The following FBXL13 variants were observed in gnomAD, a reference collection of about 807,000 sequenced individuals.
FBXL13 encodes F-box and leucine rich repeat protein 13.
In FBXL13, 67 loss-of-function variants were observed where a neutral mutation model predicts 83.6. The ratio of observed to expected loss-of-function variants is 0.80; its 90% CI spans 0.66 to 0.98. The LOEUF is 0.98. Among genes scored for constraint, FBXL13 ranks in the 50% least tolerant of loss-of-function variants. The probability of loss-of-function intolerance (pLI) is 0.00; values close to 1 mark genes in which losing one functional copy is unlikely to be tolerated. For synonymous variants in FBXL13, 272 were observed against 299.5 expected, an observed-to-expected ratio of 0.91 and a Z score of 0.95; for missense variants, 822 against 866.5, an observed-to-expected ratio of 0.95 and a Z score of 0.64.
chr7:102,850,204 A>T (rs1292359894), intron 17 of FBXL13, among the ~76,000 whole-genome samples: 1 of 152,196 alleles, frequency 6.6e-6, no homozygotes, highest in Non-Finnish European at 1.5e-5. Flanking sequence ...ACCTAAAAAT[A>T]GTACAATTTT....
intron 1 of FBXL13, among the ~76,000 whole-genome samples, chr7:103,070,964 C>T (rs892820447): frequency 6.6e-5 from 10 of 152,154 alleles, no homozygotes; most frequent in African/African-American, 2.4e-4. Flanking sequence ...AAAAGGCAAA[C>T]TGAATGAAAA....
rs928633156 is a variant in FBXL13, at chr7:102,822,439, A to G, written c.1855-236T>C. On this transcript the variant is annotated intron_variant, in intron 18 of 19. Coordinates refer to ENST00000313221, the Ensembl canonical transcript of FBXL13. ...ATTTGCAGATGCCTCCATTCTTGCT[A>G]TCTTCTCACATGGCAGAGAGAGAGA... The G allele has an allele frequency of 3.3e-5, 21 of 638,244 alleles. 1 individual carries two copies. The highest frequency in any genetic ancestry group is 6.4e-5 in the East Asian group (2 of 31,066). 39.5% of individuals were successfully genotyped at this position (638,244 alleles called of 1,614,324 possible). A position where few individuals can be genotyped will look rare whatever the true frequency, so the allele number is the denominator to read the frequency against.
exon 5 of FBXL13, chr7:103,027,555 A>G (rs1490481261): frequency 1.9e-6 from 3 of 1,588,014 alleles, no homozygotes; most frequent in Admixed American, 1.7e-5. Flanking sequence ...CCGCAATAGA[A>G]TATCTGAAGG....
intron 11 of FBXL13, among the ~76,000 whole-genome samples, chr7:102,904,395 C>CT (rs200622328): frequency 4.0e-5 from 6 of 150,512 alleles, no homozygotes; most frequent in South Asian, 2.1e-4. Flanking sequence ...TATTCTTTTT[C>CT]TTTTTTTTTA....
chr7:103,032,315 T>C (rs1794589517), intron 2 of FBXL13, among the ~76,000 whole-genome samples: 1 of 152,228 alleles, frequency 6.6e-6, no homozygotes, highest in Admixed American at 6.5e-5. Flanking sequence ...CATTCTGCCA[T>C]ACTTGCTTTT....
intron 2 of FBXL13, among the ~76,000 whole-genome samples, chr7:103,047,639 A>G (rs1346611266): frequency 6.6e-6 from 1 of 152,216 alleles, no homozygotes; most frequent in Non-Finnish European, 1.5e-5. Flanking sequence ...TAATAACTAT[A>G]ATTATGGTTG....
chr7:103,030,735 C>T (rs1794422229), intron 2 of FBXL13, among the ~76,000 whole-genome samples: 1 of 151,886 alleles, frequency 6.6e-6, no homozygotes, highest in Admixed American at 6.6e-5. Flanking sequence ...CAGCAAATAC[C>T]ATTTGAACTC....
chr7:102,992,462 C>T lies in FBXL13; in HGVS notation c.496-24345G>A, dbSNP rs144399848. On this transcript the variant is annotated intron_variant, in intron 6 of 19. Transcript: ENST00000313221. ...CTCCAGGGCACATTCTCCCCATTTCCATGTGGCTGCCTCTTACTGGGGTAT... is the reference window on the plus strand; with the variant it reads ...CTCCAGGGCACATTCTCCCCATTTCTATGTGGCTGCCTCTTACTGGGGTAT... Among the ~76,000 whole-genome samples the T allele has an allele frequency of 4.8e-3, 726 of 152,284 alleles. 6 individuals carry two copies. The highest frequency in any genetic ancestry group is 0.017 in the African/African-American group (686 of 41,544).
intron 14 of FBXL13, among the ~76,000 whole-genome samples, chr7:102,879,575 A>G (rs1809741249): frequency 6.6e-6 from 1 of 152,182 alleles, no homozygotes; most frequent in South Asian, 2.1e-4. Flanking sequence ...CCAAACCTGG[A>G]TATCAAAAGT....
chr7:102,947,679 T>C (rs1563135074), intron 8 of FBXL13, among the ~76,000 whole-genome samples: 2 of 152,098 alleles, frequency 1.3e-5, no homozygotes, highest in Non-Finnish European at 2.9e-5. Flanking sequence ...ACAATACAAG[T>C]TCATAAGGTT....
chr7:103,014,921 CAAAAAAAAAAA>C (rs1166056647), intron 6 of FBXL13, among the ~76,000 whole-genome samples: 79 of 20,616 alleles, frequency 3.8e-3, no homozygotes, highest in African/African-American at 8.8e-3. Context: ...GACTCCGTCT[CAAAAAAAAAAA>C]AAAAAAAAAA....
At position 102,894,730 on chromosome 7, in the gene FBXL13, T is replaced by TAA. The variant is rs1213476355; in HGVS notation, c.1009-10420_1009-10419dup. ...GGTCACAGAGAAAGACTTTGTCTCT[T>TAA]AAAAAAAAAAAAAAAGAGAGAGAGA... On this transcript the variant is annotated intron_variant, in intron 11 of 19. Transcript: ENST00000313221. 3.7e-3 allele frequency among the ~76,000 whole-genome samples: 496 copies of TAA among 134,656 alleles called. 4 individuals carry two copies. The highest frequency in any genetic ancestry group is 0.013 in the African/African-American group (487 of 36,348). 88.3% of individuals were successfully genotyped at this position (134,656 alleles called of 152,430 possible).
At chr7:102,859,882 G>C (rs1041134836) in intron 16 of FBXL13, among the ~76,000 whole-genome samples, 4 of 152,166 alleles carry the variant, frequency 2.6e-5, no homozygotes, top group Non-Finnish European at 4.4e-5. Context: ...TGGTGGCCTG[G>C]GGAAGTCACC....
At chr7:102,946,849 A>G (rs1189917789) in intron 8 of FBXL13, among the ~76,000 whole-genome samples, 3 of 151,510 alleles carry the variant, frequency 2.0e-5, no homozygotes, top group Non-Finnish European at 2.9e-5. Flanking sequence ...TAATTTTTGT[A>G]TTTTTAGTAG....
At chr7:102,817,942 T>C (rs1340463765) in intron 19 of FBXL13, among the ~76,000 whole-genome samples, 4 of 152,214 alleles carry the variant, frequency 2.6e-5, no homozygotes, top group African/African-American at 9.6e-5. Context: ...AGAACAGTGA[T>C]TTTCAAACAT....
chr7:103,058,684 AC>A (rs1797573175), intron 1 of FBXL13, among the ~76,000 whole-genome samples: 1 of 152,214 alleles, frequency 6.6e-6, no homozygotes, highest in Non-Finnish European at 1.5e-5. Context: ...GGGCCTAGAA[AC>A]CTGCATTTTA....
intron 17 of FBXL13, among the ~76,000 whole-genome samples, chr7:102,838,863 A>T (rs1802442311): frequency 6.6e-6 from 1 of 152,156 alleles, no homozygotes; most frequent in Admixed American, 6.5e-5. Context: ...TCCCCATGTG[A>T]TAGTCTGAAA....
chr7:102,847,933 TAATA>T (rs1308889890), intron 17 of FBXL13, among the ~76,000 whole-genome samples: 2 of 152,220 alleles, frequency 1.3e-5, no homozygotes, highest in African/African-American at 4.8e-5. Flanking sequence ...AATTTGGGTG[TAATA>T]AATACATATA....
At chr7:103,009,508 C>A (rs1460358317) in intron 6 of FBXL13, among the ~76,000 whole-genome samples, 1 of 152,180 alleles carries the variant, frequency 6.6e-6, no homozygotes, top group East Asian at 1.9e-4. Context: ...GGGAGAATCC[C>A]CCTGGTTTCC....
Sources: gnomAD v4.1 joint callset for allele counts (sites outside exome capture counted in the v4.1 genomes callset) on GRCh38, gnomAD v4.1.1 for gene constraint, MANE v1.5 for transcripts, NCBI Gene and HGNC (gene_info 2026-07-23, HGNC 2026-07-21) for gene names.